Variants in MLLT1 observed in about 807,000 individuals in gnomAD.
MLLT1 encodes protein ENL.
MLLT1 carries 11 observed loss-of-function variants against 55.1 expected under a neutral mutation model. The observed-to-expected ratio is 0.20, with a 90% CI of 0.13 to 0.33. The LOEUF (loss-of-function observed/expected upper bound fraction) is 0.33. MLLT1 is among the 10% of genes least tolerant of loss of function. The pLI is 1.00. For synonymous variants in MLLT1, 323 were observed against 320.1 expected, an observed-to-expected ratio of 1.01 and a Z score of -0.10; for missense variants, 536 against 760.6, an observed-to-expected ratio of 0.70 and a Z score of 3.47.
chr19:6,278,749 T>A (rs903104337), intron 1 of MLLT1, among the ~76,000 whole-genome samples: 1 of 151,840 alleles, frequency 6.6e-6, no homozygotes, highest in Non-Finnish European at 1.5e-5. Flanking sequence ...GACTCAAAGG[T>A]CTGGGGAATC....
intron 1 of MLLT1, 42 bp downstream of exon 1, chr19:6,279,731 G>A (rs2091448586): frequency 1.4e-5 from 2 of 147,818 alleles, no homozygotes; most frequent in Admixed American, 1.4e-4. Context: ...GGGCGGGAGG[G>A]GGCCGGGCGG....
intron 3 of MLLT1, among the ~76,000 whole-genome samples, chr19:6,246,062 G>C (rs1242673129): frequency 6.8e-6 from 1 of 147,056 alleles, no homozygotes; most frequent in Non-Finnish European, 1.5e-5. Context: ...TGGGCAATAA[G>C]AGCAAAACTC....
chr19:6,257,539 G>A (rs1232824673), intron 3 of MLLT1, among the ~76,000 whole-genome samples: 3 of 152,172 alleles, frequency 2.0e-5, no homozygotes, highest in African/African-American at 7.2e-5. Flanking sequence ...GGTGGCTCAC[G>A]CCTGTAATCC....
At chr19:6,244,588 A>G (rs2091149648) in intron 3 of MLLT1, among the ~76,000 whole-genome samples, 1 of 152,222 alleles carries the variant, frequency 6.6e-6, no homozygotes, top group South Asian at 2.1e-4. Flanking sequence ...GTCCATCAAA[A>G]TAAAAAACGT....
Position 6,220,933 on chromosome 19 carries a change from G to A in MLLT1, c.1110+1188C>T, listed in dbSNP as rs542782132. On this transcript the variant is annotated intron_variant, in intron 6 of 11. Coordinates refer to ENST00000252674, the MANE Select transcript of MLLT1 (RefSeq NM_005934.4). ...CCTCAGGGTCATAGCAGATGGTGCC[G>A]TCTTCAGCCACTGCCAAGCCATGGG... Among the ~76,000 whole-genome samples, 175 of 152,280 alleles carry A rather than the reference G, an allele frequency of 1.1e-3. 1 individual carries two copies. The highest frequency in any genetic ancestry group is 4.0e-3 in the African/African-American group (165 of 41,546).
intron 6 of MLLT1, among the ~76,000 whole-genome samples, chr19:6,221,916 C>G (rs2090901503): frequency 6.6e-6 from 1 of 152,208 alleles, no homozygotes; most frequent in Admixed American, 6.5e-5. Context: ...GGACTCCTCA[C>G]GAGGCAGACT....
intron 5 of MLLT1, among the ~76,000 whole-genome samples, chr19:6,223,937 C>T (rs973465496): frequency 3.3e-5 from 5 of 152,158 alleles, no homozygotes; most frequent in South Asian, 2.1e-4. Context: ...CCTGGCCTCC[C>T]GGCACAGAAG....
In MLLT1 at chr19:6,212,580, C is replaced by T. The variant is rs1600165480; in HGVS notation, c.*462G>A. 9.2e-7 allele frequency: 1 copy of T among 1,089,886 alleles called. No individual in the cohort carries two copies. The allele number at this position is 1,089,886 out of a possible 1,614,324, so 67.5% of individuals were successfully genotyped here. A position where few individuals can be genotyped will look rare whatever the true frequency, so the allele number is the denominator to read the frequency against. ...GTCTACACGGAGGACGACGCAGACA[C>T]ACAGGCAGGGCCTTCTGAGGTCCAG... On this transcript the variant is annotated 3_prime_UTR_variant, in exon 12 of 12. Transcript: ENST00000252674.
chr19:6,235,713 C>T lies in MLLT1; in HGVS notation c.277-5000G>A, dbSNP rs1000734112. 2.0e-5 allele frequency among the ~76,000 whole-genome samples: 3 copies of T among 152,204 alleles called. No homozygotes were observed. Among genetic ancestry groups the T allele is most frequent in the Non-Finnish European group, 1.5e-5 (1 of 68,030 alleles). ...CTGCCTCCTAACCGTCACCCGCTTC[C>T]ACCACAGCCCCCTTTCAGGCACGGT... On this transcript the variant is annotated intron_variant, in intron 3 of 11. Coordinates refer to ENST00000252674, the MANE Select transcript of MLLT1 (RefSeq NM_005934.4). The surrounding 1 kb of genome is among the most constrained non-coding windows in gnomAD (Gnocchi z 5.5).
chr19:6,256,220 GATAAATAAATAAATAA>G lies in MLLT1; in HGVS notation c.276+5992_276+6007del, dbSNP rs200816706. ...CAAGAGCGAAACTCTGTCTCAAAAA[GATAAATAAATAAATAA>G]ATAAATAAATAAATAAATAAAAAGA... On this transcript the variant is annotated intron_variant, in intron 3 of 11. Coordinates refer to ENST00000252674, the MANE Select transcript of MLLT1 (RefSeq NM_005934.4). The surrounding 1 kb of genome is among the most constrained non-coding windows in gnomAD (Gnocchi z 4.1). 5.6e-5 allele frequency among the ~76,000 whole-genome samples: 8 copies of G among 141,968 alleles called. No individual in the cohort carries two copies. The highest frequency in any genetic ancestry group is 3.0e-5 in the Non-Finnish European group (2 of 66,144). The allele number at this position is 141,968 out of a possible 152,430, so 93.1% of individuals were successfully genotyped here. A position where few individuals can be genotyped will look rare whatever the true frequency, so the allele number is the denominator to read the frequency against.
intron 3 of MLLT1, among the ~76,000 whole-genome samples, chr19:6,250,265 T>C (rs1016280625): frequency 1.3e-5 from 2 of 152,140 alleles, no homozygotes; most frequent in Admixed American, 1.3e-4. Context: ...AAACAGGAGA[T>C]AACAAATGTT....
intron 7 of MLLT1, among the ~76,000 whole-genome samples, chr19:6,217,399 G>A (rs2090855883): frequency 6.6e-6 from 1 of 152,230 alleles, no homozygotes; most frequent in African/African-American, 2.4e-5. Context: ...CTCCCACTGT[G>A]TCCTGCAGGC....
At chr19:6,242,695 A>G (rs2091126861) in intron 3 of MLLT1, among the ~76,000 whole-genome samples, 1 of 152,206 alleles carries the variant, frequency 6.6e-6, no homozygotes, top group South Asian at 2.1e-4. Context: ...ATCTGGCGTC[A>G]GGGGCAGGGC....
rs200616631 is a variant in MLLT1 at position 6,222,157 on chromosome 19, C to T, written c.1074G>A (p.Glu358=). 41 of 1,557,272 alleles carry T rather than the reference C, an allele frequency of 2.6e-5. No individual in the cohort carries two copies. In the East Asian group the frequency reaches 5.7e-4, roughly 22 times the overall value. Residue 358 remains glutamate (E), a synonymous_variant, in exon 6 of 12, where the codon GAG becomes GAA. Coordinates refer to ENST00000252674, the MANE Select transcript of MLLT1 (RefSeq NM_005934.4). The surrounding 1 kb of genome is among the most constrained non-coding windows in gnomAD (Gnocchi z 4.1). Reference sequence around the variant, plus strand: ...AGGAGGCCTCGTCCTCTGAGTTGGACTCCTCCACCTCCAGGGCCTTTTTGG... The same window carrying T: ...AGGAGGCCTCGTCCTCTGAGTTGGATTCCTCCACCTCCAGGGCCTTTTTGG... ...REAKKALEVE[E]SNSEDEASFK...
At chr19:6,246,327 C>T (rs970494493) in intron 3 of MLLT1, among the ~76,000 whole-genome samples, 2 of 152,126 alleles carry the variant, frequency 1.3e-5, no homozygotes, top group African/African-American at 2.4e-5. Context: ...ACAAAAAACC[C>T]GTATGCAAAT....
At chr19:6,261,286 A>C (rs7359887) in intron 3 of MLLT1, among the ~76,000 whole-genome samples, 3,207 of 152,318 alleles carry the variant, frequency 0.021, 113 homozygotes, top group East Asian at 0.13. Context: ...CTTGCATCTG[A>C]AATCGGCCAA....
intron 1 of MLLT1, among the ~76,000 whole-genome samples, chr19:6,274,647 G>A (rs1346007135): frequency 6.6e-6 from 1 of 152,046 alleles, no homozygotes; most frequent in East Asian, 1.9e-4. Context: ...ATGAGCCGGG[G>A]GGCTGTGGTC....
chr19:6,242,036 G>A (rs1171059110), intron 3 of MLLT1, among the ~76,000 whole-genome samples: 1 of 152,226 alleles, frequency 6.6e-6, no homozygotes, highest in Admixed American at 6.5e-5. Flanking sequence ...TTGCAGAAGC[G>A]TTGCTCCGCT....
At chr19:6,265,487 A>G (rs1420721219) in intron 2 of MLLT1, among the ~76,000 whole-genome samples, 2 of 152,110 alleles carry the variant, frequency 1.3e-5, no homozygotes, top group African/African-American at 2.4e-5. Context: ...CCTGACCAAC[A>G]TGGAGAAACC....
Sources: gnomAD v4.1 joint callset for allele counts (sites outside exome capture counted in the v4.1 genomes callset) on GRCh38, gnomAD v4.1.1 for gene constraint, Gnocchi (gnomAD v3.1) non-coding constraint, MANE v1.5 for transcripts, NCBI Gene and HGNC (gene_info 2026-07-23, HGNC 2026-07-21) for gene names.